The following IGF1R variants were observed in gnomAD, a reference collection of about 807,000 sequenced individuals.
The protein encoded by IGF1R is insulin-like growth factor 1 receptor.
IGF1R carries 44 observed loss-of-function variants against 144.6 expected under a neutral mutation model. That is an observed-to-expected ratio of 0.30 (90% confidence interval 0.24 to 0.39). The LOEUF (loss-of-function observed/expected upper bound fraction) is 0.39. Among genes scored for constraint, IGF1R ranks in the 10% least tolerant of loss-of-function variants. The pLI is 1.00. For missense variants in IGF1R, 1,355 were observed against 1,833.7 expected (o/e 0.74, Z 4.77); for synonymous variants, 795 against 722.8 (o/e 1.10, Z -1.60).
intron 4 of IGF1R, 86 bp downstream of exon 4, chr15:98,896,991 C>A: frequency 7.6e-7 from 1 of 1,310,390 alleles, no homozygotes; most frequent in Non-Finnish European, 1.1e-6. Flanking sequence ...CCTGAGTCAC[C>A]ACTAAAATAT....
At chr15:98,688,910 C>T (rs2053404072) in intron 1 of IGF1R, among the ~76,000 whole-genome samples, 1 of 152,112 alleles carries the variant, frequency 6.6e-6, no homozygotes, top group Admixed American at 6.5e-5. Flanking sequence ...CGCTTTGATT[C>T]ATCAGTATAT....
At chr15:98,787,509 C>G (rs192563586) in intron 2 of IGF1R, among the ~76,000 whole-genome samples, 35 of 152,302 alleles carry the variant, frequency 2.3e-4, no homozygotes, top group African/African-American at 7.7e-4. Flanking sequence ...ACCCTCCCCC[C>G]ACCTTTGCTA....
intron 2 of IGF1R, among the ~76,000 whole-genome samples, chr15:98,812,284 T>A (rs1267276878): frequency 6.6e-6 from 1 of 152,130 alleles, no homozygotes; most frequent in Non-Finnish European, 1.5e-5. Context: ...TTCCTTGAAC[T>A]CTTTCTTGTG....
chr15:98,692,855 C>T (rs891068902), intron 1 of IGF1R, among the ~76,000 whole-genome samples: 7 of 152,168 alleles, frequency 4.6e-5, no homozygotes, highest in East Asian at 1.9e-4. Flanking sequence ...AGGATATAGA[C>T]GTAGCCACCC....
At chr15:98,719,115 T>C (rs966842510) in intron 2 of IGF1R, among the ~76,000 whole-genome samples, 6 of 152,260 alleles carry the variant, frequency 3.9e-5, no homozygotes, top group Admixed American at 1.3e-4. Flanking sequence ...TGGATTATTT[T>C]GTAATACGTC....
At chr15:98,676,333 T>G (rs1406537113) in intron 1 of IGF1R, among the ~76,000 whole-genome samples, 1 of 152,040 alleles carries the variant, frequency 6.6e-6, no homozygotes, top group African/African-American at 2.4e-5. Context: ...AAATGGGGTT[T>G]CACTATGTTG....
chr15:98,806,730 T>G (rs981986074), intron 2 of IGF1R, among the ~76,000 whole-genome samples: 10 of 152,148 alleles, frequency 6.6e-5, no homozygotes, highest in Non-Finnish European at 1.0e-4. Context: ...GAAACACCCG[T>G]TCTCTGGCAT....
chr15:98,951,895 C>T (rs549158318), intron 20 of IGF1R, among the ~76,000 whole-genome samples: 21 of 152,182 alleles, frequency 1.4e-4, no homozygotes, highest in Non-Finnish European at 2.2e-4. Flanking sequence ...CAGCTGTGGG[C>T]GTCACATAAG....
chr15:98,949,787 T>G (rs139355042), intron 20 of IGF1R, among the ~76,000 whole-genome samples: 1 of 152,206 alleles, frequency 6.6e-6, no homozygotes, highest in Non-Finnish European at 1.5e-5. Context: ...CAGCGCCCCC[T>G]GGAGAAGCCC....
intron 1 of IGF1R, among the ~76,000 whole-genome samples, chr15:98,691,270 C>G (rs1398985724): frequency 6.6e-6 from 1 of 152,070 alleles, no homozygotes; most frequent in Non-Finnish European, 1.5e-5. Flanking sequence ...GGGTCTCAGA[C>G]TTTCCTTGTC....
At chr15:98,844,616 TTGTGTG>T (rs148102776) in intron 2 of IGF1R, among the ~76,000 whole-genome samples, 26 of 149,556 alleles carry the variant, frequency 1.7e-4, no homozygotes, top group East Asian at 5.9e-4. Flanking sequence ...TTAACTATAT[TTGTGTG>T]TGTGTGTGTG....
At chr15:98,767,997 G>T (rs1351228637) in intron 2 of IGF1R, among the ~76,000 whole-genome samples, 2 of 152,184 alleles carry the variant, frequency 1.3e-5, no homozygotes, top group Admixed American at 6.5e-5. Flanking sequence ...TAGCTGAGTG[G>T]TGTGTGCCTC....
At position 98,958,385 on chromosome 15, in the gene IGF1R, T is replaced by C. The variant is rs946696610; in HGVS notation, c.*943T>C. The C allele has an allele frequency of 1.6e-5, 3 of 182,842 alleles. No homozygotes were observed. In the Admixed American group the frequency reaches 2.0e-4, roughly 12 times the overall value. 11.3% of individuals were successfully genotyped at this position (182,842 alleles called of 1,614,324 possible). ...ACAGGCTTGGAGTCAAGGGGCCCCA[T>C]GCCTGCTTCTCTCCCAGCCCCAGCT... On this transcript the variant is annotated 3_prime_UTR_variant, in exon 21 of 21. Coordinates refer to ENST00000650285, the MANE Select transcript of IGF1R (RefSeq NM_000875.5).
chr15:98,925,246 A>G (rs1359526972), intron 13 of IGF1R, among the ~76,000 whole-genome samples: 2 of 152,202 alleles, frequency 1.3e-5, no homozygotes, highest in Non-Finnish European at 2.9e-5. Flanking sequence ...CCTTTGGTAC[A>G]GAGACTGAGG....
chr15:98,950,880 A>G (rs1298740784), intron 20 of IGF1R, among the ~76,000 whole-genome samples: 2 of 152,182 alleles, frequency 1.3e-5, no homozygotes, highest in African/African-American at 4.8e-5. Context: ...CCCTAATCAA[A>G]CAATCAAGGT....
Position 98,963,565 on chromosome 15 carries a change from C to T in IGF1R, c.*6123C>T, listed in dbSNP as rs773601574. Reference sequence around the variant, plus strand: ...CATCTGGCTTGATTGGTCTGGCTGCCGTCATTGTCAGCACAGTGCCATGGA... The same window carrying T: ...CATCTGGCTTGATTGGTCTGGCTGCTGTCATTGTCAGCACAGTGCCATGGA... On this transcript the variant is annotated 3_prime_UTR_variant, in exon 21 of 21. Coordinates refer to ENST00000650285, the MANE Select transcript of IGF1R (RefSeq NM_000875.5). 1.4e-4 allele frequency: 33 copies of T among 233,228 alleles called. No homozygotes were observed. Among genetic ancestry groups the T allele is most frequent in the African/African-American group, 2.4e-4 (11 of 45,446 alleles). 14.4% of individuals were successfully genotyped at this position (233,228 alleles called of 1,614,324 possible).
At chr15:98,790,034 C>T (rs73479703) in intron 2 of IGF1R, among the ~76,000 whole-genome samples, 2,200 of 152,244 alleles carry the variant, frequency 0.014, 55 homozygotes, top group African/African-American at 0.05. Flanking sequence ...ATTTTGCCTC[C>T]GGAGGATTTC....
At position 98,708,881 on chromosome 15, in the gene IGF1R, G is replaced by A. The variant is rs45477395; in HGVS notation, c.640+774G>A. Among the ~76,000 whole-genome samples, 601 of 152,274 alleles carry A rather than the reference G, an allele frequency of 3.9e-3. 10 individuals carry two copies. Among genetic ancestry groups the A allele is most frequent in the Admixed American group, 0.03 (456 of 15,302 alleles). On this transcript the variant is annotated intron_variant, in intron 2 of 20. Coordinates refer to ENST00000650285, the MANE Select transcript of IGF1R (RefSeq NM_000875.5). ...CTTTGGAAAGTATTTACTGTTCTGG[G>A]GGTCAGATGGTGGTATTTTGAAGCT...
intron 2 of IGF1R, among the ~76,000 whole-genome samples, chr15:98,839,913 T>C (rs1224884962): frequency 6.6e-6 from 1 of 152,204 alleles, no homozygotes; most frequent in African/African-American, 2.4e-5. Context: ...AAGAAAATAA[T>C]TTGCCTGTTG....
Sources: gnomAD v4.1 joint callset for allele counts (sites outside exome capture counted in the v4.1 genomes callset) on GRCh38, gnomAD v4.1.1 for gene constraint, MANE v1.5 for transcripts, NCBI Gene and HGNC (gene_info 2026-07-23, HGNC 2026-07-21) for gene names.